Variants in ACACB observed in about 807,000 individuals in gnomAD.
ACACB encodes the protein acetyl-CoA carboxylase beta.
A neutral mutation model predicts 278.8 loss-of-function variants in ACACB; 209 were observed. The observed-to-expected ratio is 0.75, with a 90% CI of 0.67 to 0.84. The LOEUF (loss-of-function observed/expected upper bound fraction) is 0.84. Ranked by LOEUF, ACACB falls within the 40% of genes least tolerant of loss-of-function variation. The pLI, the probability that ACACB is intolerant of heterozygous loss-of-function variation, is 0.00. For synonymous variants in ACACB, 1,174 were observed against 1,285.6 expected (o/e 0.91, Z 1.86); for missense variants, 2,850 against 3,269.0 (o/e 0.87, Z 3.13).
At chr12:109,147,766 G>A (rs1287561685) in intron 2 of ACACB, among the ~76,000 whole-genome samples, 1 of 152,062 alleles carries the variant, frequency 6.6e-6, no homozygotes, top group Non-Finnish European at 1.5e-5. Context: ...TCTGCATTAC[G>A]GGGGAATGTA....
In ACACB at chr12:109,167,836, A is replaced by G. The variant is rs897061645; in HGVS notation, c.787-60A>G. The G allele has an allele frequency of 2.5e-6, 4 of 1,611,444 alleles. No homozygotes were observed. The African/African-American group carries it at 5.4e-5, about 22-fold the overall frequency. ...AGCTGTGAGGTGGACTCGGGGTAGC[A>G]CGTGGCCCCCAGCGCAGGTAGATGT... On this transcript the variant is annotated intron_variant, in intron 3 of 52. Coordinates refer to ENST00000338432, the MANE Select transcript of ACACB (RefSeq NM_001093.4).
Position 109,260,513 on chromosome 12 carries a change from A to G in ACACB, c.6530A>G (p.Tyr2177Cys). ...GACCAGGTGCTGAAGTTTGGAGCCT[A>G]CATCGTGGACGGCCTTAGACAATAC... ...MYDQVLKFGAYIVDGLRQYKQ... is the reference protein window; with the variant it reads ...MYDQVLKFGACIVDGLRQYKQ... Residue 2177 changes from tyrosine (Y) to cysteine (C), a missense_variant, in exon 48 of 53, where the codon TAC (tyrosine) becomes TGC (cysteine). Around this residue, in one of 3 missense-constraint regions of ACACB, gnomAD observed 579 missense variants for 684.6 expected, o/e 0.85. Transcript: ENST00000338432. The G allele has an allele frequency of 6.2e-7, 1 of 1,614,222 alleles. No homozygotes were observed. The highest frequency in any genetic ancestry group is 1.3e-5 in the African/African-American group (1 of 75,050).
chr12:109,171,747 C>G (rs1265581648), intron 4 of ACACB, 58 bp from the exon 5 acceptor site: 1 of 1,293,002 alleles, frequency 7.7e-7, no homozygotes, highest in Non-Finnish European at 1.1e-6. Context: ...TTGTAATGTT[C>G]TGCCATTGAT....
At position 109,239,933 on chromosome 12, in the gene ACACB, G is replaced by A; in HGVS notation, c.4766G>A (p.Cys1589Tyr). The A allele has an allele frequency of 1.2e-6, 2 of 1,614,180 alleles. No individual in the cohort carries two copies. Among genetic ancestry groups the A allele is most frequent in the Non-Finnish European group, 1.7e-6 (2 of 1,180,042 alleles). ...AFNNTSVRTD[C>Y]NHIFLNFVPT... ...AATAACACCAGCGTGCGCACCGACT[G>A]CAACCACATCTTCCTCAACTTCGTG... Residue 1589 changes from cysteine to tyrosine, a missense_variant, in exon 35 of 53, where the codon TGC (cysteine) becomes TAC (tyrosine). Physicochemically the swap from Cys to Tyr is radical, Grantham distance 194. This residue lies in a region of ACACB where 2,265 missense variants were observed against 2,561.3 expected (regional missense o/e 0.88). Coordinates refer to ENST00000338432, the MANE Select transcript of ACACB (RefSeq NM_001093.4).
At position 109,150,943 on chromosome 12, in the gene ACACB, TTTTC is replaced by T. The variant is rs2043353965; in HGVS notation, c.653+10889_653+10892del. On this transcript the variant is annotated intron_variant, in intron 2 of 52. Transcript: ENST00000338432. The stretch of plus-strand genomic sequence containing the variant: ...AGCTCCTAAAATGTTTACTTTTTCT[TTTTC>T]TTTTTCTTTTTTTCTTTTCTTTTCT... Among the ~76,000 whole-genome samples the T allele has an allele frequency of 2.0e-5, 3 of 151,942 alleles. No individual in the cohort carries two copies. In the South Asian group the frequency reaches 6.2e-4, roughly 32 times the overall value.
rs1476587747 is a variant in ACACB at position 109,139,973 on chromosome 12, A to G, written c.568A>G (p.Lys190Glu). Residue 190 changes from lysine (K) to glutamate (E), a missense_variant, in exon 2 of 53, where the codon AAG becomes GAG. By Grantham distance (56) the Lys-to-Glu change is moderately conservative (BLOSUM62 1). Transcript: ENST00000338432. ...TGGCTCATCTCGTGAGTCTACCCGG[A>G]AGGGCAGCCGGGCCAGCTTGGGGGC... Reference protein sequence around the residue: ...VAGSSRESTRKGSRASLGALS... With the variant: ...VAGSSRESTREGSRASLGALS... 1 of 1,613,848 alleles carries G rather than the reference A, an allele frequency of 6.2e-7. No individual in the cohort carries two copies. Among genetic ancestry groups the G allele is most frequent in the South Asian group, 1.1e-5 (1 of 91,084 alleles).
intron 1 of ACACB, among the ~76,000 whole-genome samples, chr12:109,124,174 G>A (rs2042621834): frequency 6.6e-6 from 1 of 152,026 alleles, no homozygotes; most frequent in Non-Finnish European, 1.5e-5. Context: ...CCTCCAGGTG[G>A]CTCAAAGATG....
Position 109,209,209 on chromosome 12 carries a change from G to A in ACACB, c.3105G>A (p.Pro1035=), listed in dbSNP as rs576835814. The A allele has an allele frequency of 5.1e-5, 82 of 1,609,102 alleles. No individual in the cohort carries two copies. The highest frequency in any genetic ancestry group is 2.4e-4 in the Admixed American group (14 of 59,436). The change falls in exon 21 of 53, where the codon CCG becomes CCA. Residue 1035 remains proline, a synonymous_variant. Transcript: ENST00000338432. The stretch of plus-strand genomic sequence containing the variant: ...AGCTCATGATGACCCTCCGGCACCC[G>A]TCACTGCCGCTGCTGGAGCTGCAGG... ...VQKLMMTLRH[P]SLPLLELQEI...
Position 109,199,905 on chromosome 12 carries a change from C to T in ACACB, c.2778+353C>T, listed in dbSNP as rs562215640. 1.5e-4 allele frequency among the ~76,000 whole-genome samples: 23 copies of T among 151,744 alleles called. No individual in the cohort carries two copies. In the East Asian group the frequency reaches 3.9e-3, roughly 26 times the overall value. ...GCAGGCGCCTGTAGTCCCAGCTATG[C>T]AGGAGGCTGAGGCAGGAGGATGGCG... On this transcript the variant is annotated intron_variant, in intron 18 of 52. Coordinates refer to ENST00000338432, the MANE Select transcript of ACACB (RefSeq NM_001093.4).
At chr12:109,229,172 A>C (rs540430796) in intron 28 of ACACB, among the ~76,000 whole-genome samples, 90 of 152,176 alleles carry the variant, frequency 5.9e-4, no homozygotes, top group Non-Finnish European at 1.1e-3. Flanking sequence ...TGAATGCCTG[A>C]CCTCAGATGA....
In ACACB at chr12:109,185,682, C is replaced by T; in HGVS notation, c.1922C>T (p.Pro641Leu). The change falls in exon 12 of 53, where the codon CCT becomes CTT. Residue 641 changes from proline to leucine, a missense_variant. Around this residue, in one of 3 missense-constraint regions of ACACB, gnomAD observed 2,265 missense variants for 2,561.3 expected, o/e 0.88. Transcript: ENST00000338432. Reference protein sequence around the residue: ...TPISFETPSNPPLARGHVIAA... With the variant: ...TPISFETPSNLPLARGHVIAA... ...ATTTCTTTTGAAACCCCCTCAAACC[C>T]TCCCCTCGCCCGAGGCCACGTCATT... 2 of 1,613,732 alleles carry T rather than the reference C, an allele frequency of 1.2e-6. No homozygotes were observed. The highest frequency in any genetic ancestry group is 1.1e-5 in the South Asian group (1 of 91,006).
At chr12:109,151,474 C>T (rs2043374692) in intron 2 of ACACB, among the ~76,000 whole-genome samples, 1 of 151,896 alleles carries the variant, frequency 6.6e-6, no homozygotes, top group Admixed American at 6.6e-5. Flanking sequence ...CCCCCCACCC[C>T]ATATATTGAA....
At chr12:109,250,205 C>G in intron 41 of ACACB, 101 bp downstream of exon 41, 1 of 1,252,710 alleles carries the variant, frequency 8.0e-7, no homozygotes, top group African/African-American at 1.5e-5. Context: ...CCCATGTGCC[C>G]GTCACATACC....
Position 109,176,279 on chromosome 12 carries a change from T to C in ACACB, c.1437+16T>C. 6.2e-7 allele frequency: 1 copy of C among 1,606,296 alleles called. No individual in the cohort carries two copies. Among genetic ancestry groups the C allele is most frequent in the South Asian group, 1.1e-5 (1 of 90,890 alleles). The stretch of plus-strand genomic sequence containing the variant: ...TTTCAGACAAGTGAGCAGTTCTTGC[T>C]GTGTCTTTTCGCATCTGTCTTTGGG... On this transcript the variant is annotated intron_variant, in intron 9 of 52. Transcript: ENST00000338432.
chr12:109,193,248 C>T (rs1240881365), intron 15 of ACACB, among the ~76,000 whole-genome samples: 2 of 145,420 alleles, frequency 1.4e-5, no homozygotes, highest in African/African-American at 5.1e-5. Context: ...GACATAGTCT[C>T]GCTCTGTCAC....
rs572765229 is a variant in ACACB, at chr12:109,216,941, T to G, written c.3564+21T>G. ...TGATCGTAAGCAGGAAGAGGGCCTG[T>G]TACTAGACTGGGGGTGGGTCAGGAG... On this transcript the variant is annotated intron_variant, in intron 24 of 52. Transcript: ENST00000338432. 197 of 1,611,112 alleles carry G rather than the reference T, an allele frequency of 1.2e-4. 3 individuals carry two copies. The South Asian group carries it at 2.0e-3, about 16-fold the overall frequency.
rs1476380806 is a variant in ACACB at position 109,239,848 on chromosome 12, C to G, written c.4681C>G (p.Leu1561Val). The change falls in exon 35 of 53, where the codon CTG becomes GTG. Residue 1561 changes from leucine to valine, a missense_variant. Around this residue, in one of 3 missense-constraint regions of ACACB, gnomAD observed 2,265 missense variants for 2,561.3 expected, o/e 0.88. Transcript: ENST00000338432. ...TTGGCAGGAAGCCTCCTTCGAATACCTGCAGAACGAGGGTGAGCGGCTGCT... is the reference window on the plus strand; with the variant it reads ...TTGGCAGGAAGCCTCCTTCGAATACGTGCAGAACGAGGGTGAGCGGCTGCT... ...LITKEASFEYLQNEGERLLLE... is the reference protein window; with the variant it reads ...LITKEASFEYVQNEGERLLLE... The G allele has an allele frequency of 1.2e-6, 2 of 1,613,598 alleles. No homozygotes were observed. Among genetic ancestry groups the G allele is most frequent in the East Asian group, 4.5e-5 (2 of 44,824 alleles).
intron 1 of ACACB, among the ~76,000 whole-genome samples, chr12:109,139,105 C>T (rs1009646884): frequency 3.3e-5 from 5 of 152,194 alleles, no homozygotes; most frequent in African/African-American, 1.2e-4. Flanking sequence ...CTGTTCTGCA[C>T]ACTTCATATA....
intron 47 of ACACB, chr12:109,260,025 T>G: frequency 7.7e-7 from 1 of 1,301,000 alleles, no homozygotes; most frequent in Non-Finnish European, 1.0e-6. Context: ...TGCAGTGTGA[T>G]TGTCAGTGCT....
Sources: gnomAD v4.1 joint callset for allele counts (sites outside exome capture counted in the v4.1 genomes callset) on GRCh38, gnomAD v4.1.1 for gene constraint, gnomAD v4.1.1 regional missense constraint, MANE v1.5 for transcripts, NCBI Gene and HGNC (gene_info 2026-07-23, HGNC 2026-07-21) for gene names.